The following PTPRT variants were observed in gnomAD, a reference collection of about 807,000 sequenced individuals.
PTPRT encodes protein tyrosine phosphatase receptor type T.
In PTPRT, 56 loss-of-function variants were observed where a neutral mutation model predicts 176.8. The ratio of observed to expected loss-of-function variants is 0.32; its 90% CI spans 0.26 to 0.40. PTPRT has a LOEUF of 0.40. PTPRT is among the 10% of genes least tolerant of loss of function. The pLI, the probability that PTPRT is intolerant of heterozygous loss-of-function variation, is 1.00. For missense variants in PTPRT, 1,540 were observed against 1,908.2 expected (o/e 0.81, Z 3.60); for synonymous variants, 783 against 739.0 (o/e 1.06, Z -0.96).
At chr20:42,860,647 C>A (rs145350403) in intron 2 of PTPRT, among the ~76,000 whole-genome samples, 8 of 152,166 alleles carry the variant, frequency 5.3e-5, no homozygotes, top group African/African-American at 1.9e-4. Flanking sequence ...CAGAATGAAT[C>A]CTTTTATATT....
At chr20:43,105,843 T>C (rs867588260) in intron 1 of PTPRT, among the ~76,000 whole-genome samples, 1 of 152,194 alleles carries the variant, frequency 6.6e-6, no homozygotes, top group African/African-American at 2.4e-5. Context: ...TTATAGTTGG[T>C]TCCCTTCTCC....
At chr20:42,566,808 T>G (rs2073047067) in intron 7 of PTPRT, among the ~76,000 whole-genome samples, 1 of 152,158 alleles carries the variant, frequency 6.6e-6, no homozygotes, top group South Asian at 2.1e-4. Context: ...AAAACACAAC[T>G]GATTAAACCT....
intron 7 of PTPRT, among the ~76,000 whole-genome samples, chr20:42,476,531 A>G (rs1006218258): frequency 1.3e-5 from 2 of 152,220 alleles, no homozygotes; most frequent in Admixed American, 1.3e-4. Context: ...GGAACCTTGG[A>G]AAATGTGCTC....
At chr20:42,844,725 C>T (rs1407265525) in intron 2 of PTPRT, among the ~76,000 whole-genome samples, 1 of 152,174 alleles carries the variant, frequency 6.6e-6, no homozygotes, top group African/African-American at 2.4e-5. Flanking sequence ...TCCTTGGGTA[C>T]CTTCAACATA....
intron 1 of PTPRT, among the ~76,000 whole-genome samples, chr20:43,037,047 T>A (rs575236730): frequency 1.3e-5 from 2 of 152,322 alleles, no homozygotes; most frequent in African/African-American, 4.8e-5. Context: ...ACATACAACA[T>A]TAGAAATTGA....
chr20:42,429,200 G>C (rs766615016), intron 9 of PTPRT, among the ~76,000 whole-genome samples: 15 of 152,156 alleles, frequency 9.9e-5, no homozygotes, highest in Non-Finnish European at 1.8e-4. Flanking sequence ...GAGACAAAAT[G>C]CATGATGATA....
intron 1 of PTPRT, among the ~76,000 whole-genome samples, chr20:42,997,588 A>G (rs1466939260): frequency 6.6e-6 from 1 of 152,196 alleles, no homozygotes; most frequent in South Asian, 2.1e-4. Flanking sequence ...CCGAAAATGA[A>G]TATGCATGAG....
At chr20:42,762,580 C>T (rs2145428279) in intron 5 of PTPRT, among the ~76,000 whole-genome samples, 1 of 152,358 alleles carries the variant, frequency 6.6e-6, no homozygotes. Context: ...AACCCATACT[C>T]TATTGGCAGA....
rs151017034 is a variant in PTPRT at position 42,768,126 on chromosome 20, C to T, written c.684+3309G>A. Among the ~76,000 whole-genome samples, 414 of 151,748 alleles carry T rather than the reference C, an allele frequency of 2.7e-3. 2 individuals are homozygous for T. Among genetic ancestry groups the T allele is most frequent in the African/African-American group, 9.6e-3 (397 of 41,346 alleles). ...CCACACAGGCATTTGTCAGATGGCA[C>T]GATATAAACTGTGTACCTCCCAATA... On this transcript the variant is annotated intron_variant, in intron 5 of 30. Transcript: ENST00000373187.
At chr20:42,814,195 T>C (rs545305437) in intron 2 of PTPRT, among the ~76,000 whole-genome samples, 2 of 152,178 alleles carry the variant, frequency 1.3e-5, no homozygotes, top group African/African-American at 2.4e-5. Flanking sequence ...TACTTACCAG[T>C]GTTTAAAACT....
intron 12 of PTPRT, among the ~76,000 whole-genome samples, chr20:42,314,337 G>C (rs190957415): frequency 4.4e-4 from 67 of 152,108 alleles, no homozygotes; most frequent in African/African-American, 1.6e-3. Context: ...GACCATCCTG[G>C]CTAACACGGT....
chr20:42,230,062 G>T (rs1176654864), intron 15 of PTPRT, among the ~76,000 whole-genome samples: 1 of 152,166 alleles, frequency 6.6e-6, no homozygotes, highest in Non-Finnish European at 1.5e-5. Context: ...TAAAGCAACT[G>T]CAGTTCAGAG....
At chr20:42,372,131 C>T (rs554237626) in intron 9 of PTPRT, among the ~76,000 whole-genome samples, 2 of 152,124 alleles carry the variant, frequency 1.3e-5, no homozygotes, top group Non-Finnish European at 2.9e-5. Context: ...AGAGTCCAAC[C>T]TTCAAAGATG....
intron 7 of PTPRT, among the ~76,000 whole-genome samples, chr20:42,549,129 T>G (rs2072724443): frequency 6.6e-6 from 1 of 152,084 alleles, no homozygotes; most frequent in Non-Finnish European, 1.5e-5. Flanking sequence ...CAGGGCCCTC[T>G]GGGTGAAAGT....
At chr20:42,790,527 C>G (rs1480950152) in intron 3 of PTPRT, among the ~76,000 whole-genome samples, 1 of 152,158 alleles carries the variant, frequency 6.6e-6, no homozygotes, top group Non-Finnish European at 1.5e-5. Flanking sequence ...ATTAGCCTGA[C>G]ATTCAAAGCC....
intron 18 of PTPRT, among the ~76,000 whole-genome samples, chr20:42,140,195 T>C (rs1178687679): frequency 3.3e-5 from 5 of 152,178 alleles, no homozygotes; most frequent in Non-Finnish European, 7.3e-5. Context: ...AAACTCTGAA[T>C]TGTGCTAGAA....
chr20:42,680,473 T>G (rs902898529), intron 6 of PTPRT, among the ~76,000 whole-genome samples: 2 of 152,238 alleles, frequency 1.3e-5, no homozygotes, highest in Non-Finnish European at 2.9e-5. Flanking sequence ...AAGCTCATCC[T>G]TTGTGCATGT....
intron 6 of PTPRT, among the ~76,000 whole-genome samples, chr20:42,743,553 C>T (rs190627215): frequency 3.3e-4 from 50 of 152,288 alleles, no homozygotes; most frequent in Non-Finnish European, 6.3e-4. Context: ...TGAAGCCTGG[C>T]CTTAGAATAC....
intron 7 of PTPRT, among the ~76,000 whole-genome samples, chr20:42,504,999 A>G (rs230165): frequency 0.81 from 123,809 of 151,964 alleles, 51,083 homozygotes; most frequent in African/African-American, 0.95. Flanking sequence ...AGCTGGGCAG[A>G]GCATACCTAC....
Sources: gnomAD v4.1 joint callset for allele counts (sites outside exome capture counted in the v4.1 genomes callset) on GRCh38, gnomAD v4.1.1 for gene constraint, MANE v1.5 for transcripts, NCBI Gene and HGNC (gene_info 2026-07-23, HGNC 2026-07-21) for gene names.